MGAT5: variants seen among roughly 807,000 people sequenced by gnomAD.
MGAT5 encodes alpha-1,6-mannosylglycoprotein 6-beta-N-acetylglucosaminyltransferase A.
In MGAT5, 30 loss-of-function variants were observed where a neutral mutation model predicts 94.3. The observed-to-expected ratio is 0.32, with a 90% CI of 0.24 to 0.43. The LOEUF (loss-of-function observed/expected upper bound fraction) is 0.43. Among genes scored for constraint, MGAT5 ranks in the 20% least tolerant of loss-of-function variants. The probability of loss-of-function intolerance (pLI) is 1.00; values close to 1 mark genes in which losing one functional copy is unlikely to be tolerated. For missense variants in MGAT5, 691 were observed against 905.5 expected, an observed-to-expected ratio of 0.76 and a Z score of 3.04; for synonymous variants, 310 against 322.9, an observed-to-expected ratio of 0.96 and a Z score of 0.43.
At chr2:134,362,873 C>G (rs1021725402) in intron 10 of MGAT5, among the ~76,000 whole-genome samples, 16 of 152,180 alleles carry the variant, frequency 1.1e-4, no homozygotes, top group Non-Finnish European at 2.2e-4. Flanking sequence ...ACTCACCTGA[C>G]GTAGAAAGTA....
intron 9 of MGAT5, among the ~76,000 whole-genome samples, chr2:134,355,833 C>T (rs1679698081): frequency 6.6e-6 from 1 of 152,154 alleles, no homozygotes; most frequent in South Asian, 2.1e-4. Flanking sequence ...GTTTTTTCCT[C>T]TCTTTCCCTA....
intron 1 of MGAT5, among the ~76,000 whole-genome samples, chr2:134,213,820 G>A (rs1228033337): frequency 6.6e-6 from 1 of 152,206 alleles, no homozygotes; most frequent in Admixed American, 6.5e-5. Context: ...TGGAGTTGGG[G>A]TATGCCACCT....
At chr2:134,206,773 T>C (rs950082918) in intron 1 of MGAT5, among the ~76,000 whole-genome samples, 11 of 152,258 alleles carry the variant, frequency 7.2e-5, no homozygotes, top group Admixed American at 3.3e-4. Flanking sequence ...ATTAGCATGC[T>C]GTGGCCACAA....
intron 1 of MGAT5, among the ~76,000 whole-genome samples, chr2:134,247,158 G>A (rs1682318242): frequency 6.6e-6 from 1 of 152,146 alleles, no homozygotes; most frequent in Non-Finnish European, 1.5e-5. Context: ...TGTAAATTGA[G>A]ATGGAGGCTG....
At chr2:134,413,613 G>A (rs1683795091) in intron 12 of MGAT5, among the ~76,000 whole-genome samples, 1 of 152,178 alleles carries the variant, frequency 6.6e-6, no homozygotes, top group Admixed American at 6.5e-5. Context: ...TTGATTTAGG[G>A]CAATAAACAA....
intron 5 of MGAT5, among the ~76,000 whole-genome samples, chr2:134,337,612 C>G (rs111805284): frequency 1.3e-5 from 2 of 152,224 alleles, no homozygotes; most frequent in East Asian, 3.9e-4. Flanking sequence ...TCCAATCACT[C>G]GTTGTATCCA....
At chr2:134,272,820 C>T (rs1684110096) in intron 2 of MGAT5, among the ~76,000 whole-genome samples, 1 of 152,138 alleles carries the variant, frequency 6.6e-6, no homozygotes, top group Non-Finnish European at 1.5e-5. Flanking sequence ...GTGTTAACTC[C>T]ATCTCTCCTT....
intron 9 of MGAT5, among the ~76,000 whole-genome samples, chr2:134,357,761 G>A (rs1276978435): frequency 2.0e-5 from 3 of 151,884 alleles, no homozygotes; most frequent in Non-Finnish European, 4.4e-5. Flanking sequence ...ATTTTACCCT[G>A]AGGTGCCTTT....
chr2:134,124,867 G>A (rs1685769890), intron 1 of MGAT5, among the ~76,000 whole-genome samples: 1 of 152,218 alleles, frequency 6.6e-6, no homozygotes, highest in Non-Finnish European at 1.5e-5. Context: ...GAGGGAACAT[G>A]TGCCACCCAC....
chr2:134,206,897 G>A (rs184576228), intron 1 of MGAT5, among the ~76,000 whole-genome samples: 5 of 152,338 alleles, frequency 3.3e-5, no homozygotes, highest in Admixed American at 3.3e-4. Flanking sequence ...TCTACCCAGT[G>A]ATACCAATTT....
chr2:134,376,633 TC>T (rs1681190718), intron 10 of MGAT5, among the ~76,000 whole-genome samples: 1 of 152,228 alleles, frequency 6.6e-6, no homozygotes, highest in Admixed American at 6.5e-5. Flanking sequence ...GGAAGAGCCT[TC>T]CTTGCTGTTG....
intron 1 of MGAT5, among the ~76,000 whole-genome samples, chr2:134,214,115 G>A (rs191969945): frequency 2.0e-5 from 3 of 151,974 alleles, no homozygotes; most frequent in Non-Finnish European, 4.4e-5. Flanking sequence ...CTAATACAAA[G>A]CTCCCTAAGG....
At chr2:134,286,101 CA>C (rs1214087629) in intron 2 of MGAT5, among the ~76,000 whole-genome samples, 3 of 149,778 alleles carry the variant, frequency 2.0e-5, no homozygotes, top group Admixed American at 1.3e-4. Context: ...GTGAACAAAA[CA>C]AAAAAAAATT....
intron 1 of MGAT5, among the ~76,000 whole-genome samples, chr2:134,202,867 C>T (rs886343334): frequency 1.3e-5 from 2 of 152,092 alleles, no homozygotes; most frequent in African/African-American, 4.8e-5. Context: ...AATTTCCTAA[C>T]TGTAATGTAA....
At chr2:134,138,652 G>A (rs1411414774) in intron 1 of MGAT5, among the ~76,000 whole-genome samples, 1 of 152,184 alleles carries the variant, frequency 6.6e-6, no homozygotes, top group African/African-American at 2.4e-5. Flanking sequence ...GGGTCCTCCT[G>A]TTACCGTGTC....
chr2:134,255,769 C>T (rs1682926949), intron 1 of MGAT5, among the ~76,000 whole-genome samples: 1 of 151,976 alleles, frequency 6.6e-6, no homozygotes, highest in African/African-American at 2.4e-5. Flanking sequence ...TGTTTTGTGA[C>T]CCACTCAAGG....
chr2:134,288,672 A>G (rs1685159426), intron 2 of MGAT5, among the ~76,000 whole-genome samples: 2 of 152,242 alleles, frequency 1.3e-5, no homozygotes, highest in Admixed American at 6.5e-5. Context: ...GCAAAAACCA[A>G]TAAATGACAG....
chr2:134,253,972 C>T (rs1438646874), upstream of MGAT5, among the ~76,000 whole-genome samples: 2 of 152,210 alleles, frequency 1.3e-5, no homozygotes, highest in Non-Finnish European at 2.9e-5. Context: ...CTTCTGTCTC[C>T]TCCCCACCTT....
intron 2 of MGAT5, among the ~76,000 whole-genome samples, chr2:134,302,023 A>G (rs1686051234): frequency 6.6e-6 from 1 of 152,198 alleles, no homozygotes; most frequent in Non-Finnish European, 1.5e-5. Flanking sequence ...CAAACTTCTT[A>G]TGTAAAGCCG....
Sources: gnomAD v4.1 joint callset for allele counts (sites outside exome capture counted in the v4.1 genomes callset) on GRCh38, gnomAD v4.1.1 for gene constraint, MANE v1.5 for transcripts, NCBI Gene and HGNC (gene_info 2026-07-23, HGNC 2026-07-21) for gene names.